The following CSMD1 variants were observed in gnomAD, a reference collection of about 807,000 sequenced individuals.
The protein encoded by CSMD1 is CUB and sushi domain-containing protein 1.
CSMD1 carries 213 observed loss-of-function variants against 417.5 expected under a neutral mutation model. The observed-to-expected ratio is 0.51, with a 90% CI of 0.46 to 0.57. The LOEUF (loss-of-function observed/expected upper bound fraction) is 0.57, where lower values mean the gene tolerates loss of function less well. Ranked by LOEUF, CSMD1 falls within the 20% of genes least tolerant of loss-of-function variation. The probability of loss-of-function intolerance (pLI) is 0.00; values close to 1 mark genes in which losing one functional copy is unlikely to be tolerated. For missense variants in CSMD1, 6,923 were observed against 4,529.7 expected (o/e 1.53, Z -15.17); for synonymous variants, 2,862 against 1,736.8 (o/e 1.65, Z -16.11).
At chr8:3,255,904 G>C (rs1235020240) in intron 26 of CSMD1, among the ~76,000 whole-genome samples, 2 of 152,176 alleles carry the variant, frequency 1.3e-5, no homozygotes, top group Admixed American at 6.5e-5. Flanking sequence ...TCGCCAGTGA[G>C]ATGAACCTGG....
Position 3,219,449 on chromosome 8 carries a change from A to G in CSMD1, c.4485-7T>C. The G allele has an allele frequency of 6.8e-7, 1 of 1,463,534 alleles. No homozygotes were observed. The highest frequency in any genetic ancestry group is 9.0e-7 in the Non-Finnish European group (1 of 1,105,318). The allele number at this position is 1,463,534 out of a possible 1,614,324, so 90.7% of individuals were successfully genotyped here. A position where few individuals can be genotyped will look rare whatever the true frequency, so the allele number is the denominator to read the frequency against. On this transcript the variant is annotated splice_region_variant and splice_polypyrimidine_tract_variant and intron_variant, in intron 28 of 69. Coordinates refer to ENST00000635120, the MANE Select transcript of CSMD1 (RefSeq NM_033225.6). ...GCTGGGCTCCATGTTGAAACTAAAG[A>G]AAAGAATAGTAATTATGTCATACGG...
rs544976750 is a variant in CSMD1 at position 4,145,780 on chromosome 8, G to A, written c.416-113681C>T. 8.6e-5 allele frequency among the ~76,000 whole-genome samples: 13 copies of A among 151,076 alleles called. No homozygotes were observed. The South Asian group carries it at 2.5e-3, about 29-fold the overall frequency. On this transcript the variant is annotated intron_variant, in intron 3 of 69. Transcript: ENST00000635120. ...TTCCCTGCAGGTTCTGCGTCAGCTC[G>A]CACCATGAAGAGTTTTTCTGTATGA...
intron 3 of CSMD1, among the ~76,000 whole-genome samples, chr8:4,183,404 A>T (rs1023468281): frequency 6.6e-6 from 1 of 152,142 alleles, no homozygotes; most frequent in African/African-American, 2.4e-5. Flanking sequence ...TGTAAAAGCA[A>T]CTCCATAAAA....
At chr8:3,499,528 G>C (rs568882544) in intron 10 of CSMD1, among the ~76,000 whole-genome samples, 2 of 152,186 alleles carry the variant, frequency 1.3e-5, no homozygotes, top group South Asian at 2.1e-4. Context: ...GCTGGCAGCA[G>C]TACCCAAAAG....
chr8:4,367,169 T>G (rs1000881338), intron 3 of CSMD1, among the ~76,000 whole-genome samples: 1 of 152,216 alleles, frequency 6.6e-6, no homozygotes, highest in Non-Finnish European at 1.5e-5. Flanking sequence ...ATGATTTTAA[T>G]TGTGTTAGAG....
rs17069728 is a variant in CSMD1 at position 4,246,927 on chromosome 8, G to C, written c.415+173026C>G. ...ATGTTTCTTCAAAAAATCTTTGTAA[G>C]AGAGAATGTAGATAATATTGAAAAC... On this transcript the variant is annotated intron_variant, in intron 3 of 69. Transcript: ENST00000635120. 3.0e-3 allele frequency among the ~76,000 whole-genome samples: 450 copies of C among 152,278 alleles called. 3 individuals carry two copies. The highest frequency in any genetic ancestry group is 4.6e-3 in the Non-Finnish European group (312 of 68,010).
At chr8:3,145,243 T>C (rs1455556912) in intron 40 of CSMD1, among the ~76,000 whole-genome samples, 4 of 152,092 alleles carry the variant, frequency 2.6e-5, no homozygotes, top group African/African-American at 7.2e-5. Flanking sequence ...TCTACGTATG[T>C]CCAGAGTACC....
At chr8:4,964,009 G>A (rs1809685877) in intron 1 of CSMD1, among the ~76,000 whole-genome samples, 1 of 151,964 alleles carries the variant, frequency 6.6e-6, no homozygotes, top group South Asian at 2.1e-4. Context: ...TATGGCACAT[G>A]TGAAGAACAT....
intron 1 of CSMD1, among the ~76,000 whole-genome samples, chr8:4,817,131 A>C (rs1030388749): frequency 1.3e-5 from 2 of 152,226 alleles, no homozygotes; most frequent in Non-Finnish European, 1.5e-5. Flanking sequence ...ATATAAATAC[A>C]TATCATAATA....
intron 6 of CSMD1, among the ~76,000 whole-genome samples, chr8:3,711,427 T>C (rs1321344982): frequency 6.6e-6 from 1 of 152,228 alleles, no homozygotes; most frequent in Middle Eastern, 3.4e-3. Flanking sequence ...CAGTCACCTA[T>C]CCCAGGCTCA....
chr8:4,240,249 G>A (rs1396083053), intron 3 of CSMD1, among the ~76,000 whole-genome samples: 1 of 152,202 alleles, frequency 6.6e-6, no homozygotes, highest in Admixed American at 6.5e-5. Context: ...TGTTTCATGA[G>A]GGGCTGGCAG....
chr8:3,145,645 A>C (rs1383253890), intron 40 of CSMD1, among the ~76,000 whole-genome samples: 3 of 152,240 alleles, frequency 2.0e-5, no homozygotes, highest in Admixed American at 6.5e-5. Flanking sequence ...CCCAGCTCTA[A>C]TCTGGCTTAA....
intron 11 of CSMD1, among the ~76,000 whole-genome samples, chr8:3,493,290 T>C (rs1274774033): frequency 4.7e-5 from 4 of 84,738 alleles, no homozygotes; most frequent in South Asian, 4.6e-4. Flanking sequence ...TAAGAACCTG[T>C]CTCAAAAAAA....
intron 26 of CSMD1, among the ~76,000 whole-genome samples, chr8:3,244,870 T>C (rs1585775849): frequency 6.6e-6 from 1 of 152,140 alleles, no homozygotes; most frequent in Admixed American, 6.6e-5. Flanking sequence ...CCTCAGATTT[T>C]TAGGACCTGA....
chr8:3,827,913 G>T (rs79998546), intron 5 of CSMD1, among the ~76,000 whole-genome samples: 62 of 152,244 alleles, frequency 4.1e-4, no homozygotes, highest in African/African-American at 1.4e-3. Flanking sequence ...AAACAATATA[G>T]TAAGCACTAT....
intron 3 of CSMD1, among the ~76,000 whole-genome samples, chr8:4,364,691 G>A (rs1471468245): frequency 1.7e-5 from 1 of 59,492 alleles, no homozygotes; most frequent in Non-Finnish European, 2.8e-5. Flanking sequence ...CGGGCGTAGT[G>A]GCGGGCGCCT....
chr8:4,734,963 GAA>G (rs1238551956), intron 1 of CSMD1, among the ~76,000 whole-genome samples: 6 of 152,164 alleles, frequency 3.9e-5, no homozygotes, highest in Non-Finnish European at 8.8e-5. Flanking sequence ...GGGATTCTGG[GAA>G]AGTTTCCATA....
chr8:4,073,939 G>A (rs189084744), intron 3 of CSMD1, among the ~76,000 whole-genome samples: 26 of 152,070 alleles, frequency 1.7e-4, no homozygotes, highest in African/African-American at 4.6e-4. Flanking sequence ...GGTTTTTGAC[G>A]GTTGCTTCTT....
At chr8:4,315,282 G>A (rs978422179) in intron 3 of CSMD1, among the ~76,000 whole-genome samples, 1 of 152,146 alleles carries the variant, frequency 6.6e-6, no homozygotes, top group Non-Finnish European at 1.5e-5. Flanking sequence ...AACTGAGACA[G>A]TATGCGAGGA....
Sources: gnomAD v4.1 joint callset for allele counts (sites outside exome capture counted in the v4.1 genomes callset) on GRCh38, gnomAD v4.1.1 for gene constraint, MANE v1.5 for transcripts, NCBI Gene and HGNC (gene_info 2026-07-23, HGNC 2026-07-21) for gene names.